The following CSMD3 variants were observed in gnomAD, a reference collection of about 807,000 sequenced individuals.
CSMD3 encodes CUB and Sushi multiple domains 3, also known as CUB and sushi domain-containing protein 3.
In CSMD3, 177 loss-of-function variants were observed where a neutral mutation model predicts 435.2. The ratio of observed to expected loss-of-function variants is 0.41; its 90% CI spans 0.36 to 0.46. The LOEUF is 0.46. Ranked by LOEUF, CSMD3 falls within the 20% of genes least tolerant of loss-of-function variation. CSMD3 has a pLI of 0.34. For synonymous variants in CSMD3, 1,656 were observed against 1,520.5 expected (o/e 1.09, Z -2.07); for missense variants, 4,265 against 4,504.6 (o/e 0.95, Z 1.52).
At chr8:113,190,286 G>C (rs958034192) in intron 3 of CSMD3, among the ~76,000 whole-genome samples, 4 of 151,662 alleles carry the variant, frequency 2.6e-5, no homozygotes, top group African/African-American at 9.7e-5. Context: ...AGGAAACCCA[G>C]ATAATAAATA....
chr8:112,596,397 A>G (rs1433906243), intron 22 of CSMD3, among the ~76,000 whole-genome samples: 2 of 151,896 alleles, frequency 1.3e-5, no homozygotes, highest in Non-Finnish European at 2.9e-5. Flanking sequence ...AGAGACTTAG[A>G]CTCCCACACA....
intron 10 of CSMD3, among the ~76,000 whole-genome samples, chr8:112,866,620 G>A (rs571512519): frequency 6.6e-6 from 1 of 152,192 alleles, no homozygotes. Context: ...AAGTGTTGTA[G>A]TCTTGCCCCT....
In CSMD3 at chr8:112,255,609, C is replaced by T; in HGVS notation, c.9863-182G>A. On this transcript the variant is annotated intron_variant, in intron 61 of 70. Transcript: ENST00000297405. ...GTGCAGATAAATACTGAATTGAAAACTCAGTATAATATTTAAAAATTAGCT... is the reference window on the plus strand; with the variant it reads ...GTGCAGATAAATACTGAATTGAAAATTCAGTATAATATTTAAAAATTAGCT... 5.0e-6 allele frequency: 3 copies of T among 602,114 alleles called. No homozygotes were observed. In the Admixed American group the frequency reaches 8.9e-5, roughly 18 times the overall value. The allele number at this position is 602,114 out of a possible 1,614,324, so 37.3% of individuals were successfully genotyped here.
chr8:112,997,749 A>G (rs2131052081), intron 6 of CSMD3, among the ~76,000 whole-genome samples: 1 of 151,514 alleles, frequency 6.6e-6, no homozygotes, highest in African/African-American at 2.4e-5. Context: ...AATAAGGTAA[A>G]CTACCAATAA....
intron 1 of CSMD3, among the ~76,000 whole-genome samples, chr8:113,359,455 CAG>C (rs1239951421): frequency 1.3e-5 from 2 of 152,188 alleles, no homozygotes; most frequent in African/African-American, 2.4e-5. Flanking sequence ...GCTGAGGAAA[CAG>C]AGCGGGGGCA....
intron 27 of CSMD3, among the ~76,000 whole-genome samples, chr8:112,528,143 A>T (rs2131055457): frequency 6.6e-6 from 1 of 152,272 alleles, no homozygotes; most frequent in African/African-American, 2.4e-5. Flanking sequence ...TTTTAAAAAA[A>T]TTTTAATTGA....
intron 11 of CSMD3, among the ~76,000 whole-genome samples, chr8:112,856,857 A>T (rs1384832497): frequency 3.3e-5 from 5 of 151,828 alleles, no homozygotes; most frequent in Non-Finnish European, 1.5e-5. Context: ...CTGTATGCTT[A>T]TTATTTATAC....
chr8:112,644,025 A>G (rs1030268830), intron 20 of CSMD3, among the ~76,000 whole-genome samples: 7 of 151,688 alleles, frequency 4.6e-5, no homozygotes, highest in Non-Finnish European at 8.8e-5. Flanking sequence ...ATTAAAATCA[A>G]TAAATATATT....
At chr8:112,382,378 T>C (rs115039038) in intron 37 of CSMD3, among the ~76,000 whole-genome samples, 16 of 151,778 alleles carry the variant, frequency 1.1e-4, no homozygotes, top group Non-Finnish European at 1.6e-4. Context: ...TTGTGTGCGA[T>C]TTTTCTAAGA....
intron 5 of CSMD3, among the ~76,000 whole-genome samples, chr8:113,024,531 T>C (rs2086802147): frequency 6.6e-6 from 1 of 152,286 alleles, no homozygotes; most frequent in Middle Eastern, 3.4e-3. Flanking sequence ...GGAACATACA[T>C]ACTATTTTTA....
chr8:112,915,070 A>C (rs1419417228), intron 10 of CSMD3, among the ~76,000 whole-genome samples: 2 of 151,922 alleles, frequency 1.3e-5, no homozygotes, highest in Non-Finnish European at 2.9e-5. Context: ...GGGGAATTTT[A>C]AGAGATTTCA....
chr8:113,103,286 G>A (rs2090381567), intron 4 of CSMD3, among the ~76,000 whole-genome samples: 1 of 152,110 alleles, frequency 6.6e-6, no homozygotes, highest in Admixed American at 6.6e-5. Context: ...ATAATACAGT[G>A]AGTAATAAAA....
chr8:112,239,769 C>A (rs1321911216), intron 66 of CSMD3, among the ~76,000 whole-genome samples: 1 of 151,988 alleles, frequency 6.6e-6, no homozygotes, highest in Admixed American at 6.6e-5. Context: ...TAGTTATGCT[C>A]ACATTTTCTT....
Position 112,685,613 on chromosome 8 carries a change from T to C in CSMD3, c.2275A>G (p.Ile759Val). The C allele has an allele frequency of 6.2e-7, 1 of 1,613,944 alleles. No homozygotes were observed. Among genetic ancestry groups the C allele is most frequent in the South Asian group, 1.1e-5 (1 of 91,076 alleles). Residue 759 changes from isoleucine to valine, a missense_variant, in exon 15 of 71, where the codon ATA becomes GTA. Physicochemically the swap from Ile to Val is conservative, Grantham distance 29. Coordinates refer to ENST00000297405, the MANE Select transcript of CSMD3 (RefSeq NM_198123.2). The stretch of plus-strand genomic sequence containing the variant: ...TCAAAGTCATTGAAAGAAAGATGTA[T>C]CCGGCTCCCTGGATCAGAGATTATC... ...WTIISDPGSR[I>V]HLSFNDFDLE... is the part of the protein sequence containing the mutation.
intron 13 of CSMD3, among the ~76,000 whole-genome samples, chr8:112,780,181 C>A (rs936657505): frequency 6.6e-6 from 1 of 151,942 alleles, no homozygotes; most frequent in Non-Finnish European, 1.5e-5. Context: ...ATTACATATA[C>A]CCTGGCGCCA....
At chr8:112,646,512 T>C (rs537842591) in intron 19 of CSMD3, among the ~76,000 whole-genome samples, 1 of 152,290 alleles carries the variant, frequency 6.6e-6, no homozygotes, top group South Asian at 2.1e-4. Flanking sequence ...GAGAAGTTTC[T>C]TGGGAATTTT....
At chr8:113,320,931 C>G (rs544707231) in intron 1 of CSMD3, among the ~76,000 whole-genome samples, 2 of 151,402 alleles carry the variant, frequency 1.3e-5, no homozygotes, top group Non-Finnish European at 3.0e-5. Context: ...CATGTAGAAA[C>G]TAGTCATCCA....
rs181565765 is a variant in CSMD3 at position 112,307,443 on chromosome 8, G to A, written c.7886-1251C>T. ...ACTACAGGCACGCATCACCAGGTCC[G>A]GCTAATATTTGTATTTTTTTGTAGA... On this transcript the variant is annotated intron_variant, in intron 50 of 70. Coordinates refer to ENST00000297405, the MANE Select transcript of CSMD3 (RefSeq NM_198123.2). 2.6e-5 allele frequency among the ~76,000 whole-genome samples: 4 copies of A among 152,070 alleles called. No homozygotes were observed. In the East Asian group the frequency reaches 5.8e-4, roughly 22 times the overall value.
chr8:113,325,839 G>A (rs764796209), intron 1 of CSMD3, among the ~76,000 whole-genome samples: 3 of 151,958 alleles, frequency 2.0e-5, no homozygotes, highest in Non-Finnish European at 4.4e-5. Flanking sequence ...CAGATTATGA[G>A]AAAATGGAAT....
Sources: allele counts gnomAD v4.1 joint callset (sites outside exome capture counted in the v4.1 genomes callset), GRCh38; gene constraint gnomAD v4.1.1; transcripts MANE v1.5; gene names NCBI Gene and HGNC (gene_info 2026-07-23, HGNC 2026-07-21).